SHROOM3: variants seen among roughly 807,000 people sequenced by gnomAD.
The protein encoded by SHROOM3 is protein Shroom3.
A neutral mutation model predicts 138.6 loss-of-function variants in SHROOM3; 47 were observed. That is an observed-to-expected ratio of 0.34 (90% confidence interval 0.27 to 0.43). SHROOM3 has a LOEUF of 0.43. Ranked by LOEUF, SHROOM3 falls within the 20% of genes least tolerant of loss-of-function variation. The pLI, the probability that SHROOM3 is intolerant of heterozygous loss-of-function variation, is 1.00. For missense variants in SHROOM3, 2,491 were observed against 2,596.5 expected, an observed-to-expected ratio of 0.96 and a Z score of 0.88; for synonymous variants, 1,062 against 1,063.3, an observed-to-expected ratio of 1.00 and a Z score of 0.02.
At chr4:76,612,228 G>A (rs1055292014) in intron 2 of SHROOM3, among the ~76,000 whole-genome samples, 2 of 152,190 alleles carry the variant, frequency 1.3e-5, no homozygotes, top group Non-Finnish European at 2.9e-5. Flanking sequence ...GCAGCTGCAT[G>A]TATCCTGCTT....
intron 2 of SHROOM3, among the ~76,000 whole-genome samples, chr4:76,686,642 G>GT (rs1164559817): frequency 6.6e-6 from 1 of 151,888 alleles, no homozygotes; most frequent in African/African-American, 2.4e-5. Context: ...ATCAACTGTA[G>GT]TAAAAAAACA....
chr4:76,592,829 C>T (rs1370899894), intron 2 of SHROOM3, among the ~76,000 whole-genome samples: 3 of 152,138 alleles, frequency 2.0e-5, no homozygotes, highest in South Asian at 2.1e-4. Context: ...CAGCAGGATT[C>T]GAGGTAGGGA....
chr4:76,596,625 C>T (rs1316722852), intron 2 of SHROOM3, among the ~76,000 whole-genome samples: 2 of 149,828 alleles, frequency 1.3e-5, no homozygotes, highest in Non-Finnish European at 3.0e-5. Flanking sequence ...CACACACACA[C>T]TCTCCAACAG....
At chr4:76,650,904 G>A (rs1309606466) in intron 2 of SHROOM3, among the ~76,000 whole-genome samples, 2 of 152,110 alleles carry the variant, frequency 1.3e-5, no homozygotes, top group Non-Finnish European at 2.9e-5. Context: ...CAGATGAATG[G>A]ATAAAGAAAA....
rs111955309 is a variant in SHROOM3 at position 76,518,061 on chromosome 4, T to C, written c.169-37548T>C. 9.9e-3 allele frequency among the ~76,000 whole-genome samples: 1,513 copies of C among 152,334 alleles called. 22 individuals carry two copies. The highest frequency in any genetic ancestry group is 0.034 in the African/African-American group (1,434 of 41,580). On this transcript the variant is annotated intron_variant, in intron 1 of 10. Coordinates refer to ENST00000296043, the MANE Select transcript of SHROOM3 (RefSeq NM_020859.4). ...TAAAATGAGAGATTTATTTAAGTTA[T>C]AAGGAAATATCTGTCAACCCTCAGA...
intron 1 of SHROOM3, among the ~76,000 whole-genome samples, chr4:76,551,188 G>A (rs1733345385): frequency 6.6e-6 from 1 of 151,884 alleles, no homozygotes; most frequent in African/African-American, 2.4e-5. Flanking sequence ...AAAGTGCAGT[G>A]CAAAACGAAG....
chr4:76,518,567 TTGCCTGCTTGCCTGCC>T (rs1732495844), intron 1 of SHROOM3, among the ~76,000 whole-genome samples: 1 of 141,080 alleles, frequency 7.1e-6, no homozygotes, highest in Non-Finnish European at 1.5e-5. Flanking sequence ...TCCTTCCTTC[TTGCCTGCTTGCCTGCC>T]TGCCTGCCTG....
intron 1 of SHROOM3, among the ~76,000 whole-genome samples, chr4:76,465,869 T>A (rs1199467019): frequency 6.6e-6 from 1 of 152,194 alleles, no homozygotes; most frequent in African/African-American, 2.4e-5. Flanking sequence ...AAAAACTAAA[T>A]ATGCCATGCA....
At position 76,744,842 on chromosome 4, in the gene SHROOM3, C is replaced by A. The variant is rs145887212; in HGVS notation, c.3753+2916C>A. ...AGGGCAGGATTTTACAAGTTTTTGA[C>A]AAGGATTTAGCTCTTTTTCAAAATT... is the stretch of plus-strand genomic sequence containing the variant. On this transcript the variant is annotated intron_variant, in intron 5 of 10. Transcript: ENST00000296043. Among the ~76,000 whole-genome samples the A allele has an allele frequency of 9.1e-4, 139 of 152,298 alleles. 2 individuals are homozygous for A. The highest frequency in any genetic ancestry group is 3.2e-3 in the African/African-American group (134 of 41,574).
intron 2 of SHROOM3, among the ~76,000 whole-genome samples, chr4:76,560,775 C>T (rs1250868529): frequency 6.6e-6 from 1 of 152,104 alleles, no homozygotes; most frequent in Non-Finnish European, 1.5e-5. Context: ...AGAGAGGATA[C>T]CTGAGATAGC....
chr4:76,555,844 A>T (rs932921864), intron 2 of SHROOM3, 81 bp downstream of exon 2: 1 of 1,511,776 alleles, frequency 6.6e-7, no homozygotes, highest in Non-Finnish European at 9.0e-7. Flanking sequence ...CTGGGAAAAG[A>T]GCTCGGGGTT....
chr4:76,741,070 T>C lies in SHROOM3; in HGVS notation c.2897T>C (p.Val966Ala). 1 of 1,526,024 alleles carries C rather than the reference T, an allele frequency of 6.6e-7. No individual in the cohort carries two copies. The highest frequency in any genetic ancestry group is 2.5e-5 in the East Asian group (1 of 40,626). The allele number at this position is 1,526,024 out of a possible 1,614,324, so 94.5% of individuals were successfully genotyped here. A position where few individuals can be genotyped will look rare whatever the true frequency, so the allele number is the denominator to read the frequency against. The change falls in exon 5 of 11, where the codon GTG (valine) becomes GCG (alanine). Residue 966 changes from valine (V) to alanine (A), a missense_variant. Val to Ala is a moderately conservative substitution (Grantham distance 64). Transcript: ENST00000296043. The surrounding 1 kb of genome is among the most constrained non-coding windows in gnomAD (Gnocchi z 6.2). ...CGGCCACGGCCTTCCTCGGCCCACG[T>C]GGGGCTGCGGAGCCCCGAGGCGTCG... Reference protein sequence around the residue: ...SWRPRPSSAHVGLRSPEASAS... With the variant: ...SWRPRPSSAHAGLRSPEASAS...
At chr4:76,598,903 A>G (rs1029396638) in intron 2 of SHROOM3, among the ~76,000 whole-genome samples, 4 of 152,180 alleles carry the variant, frequency 2.6e-5, no homozygotes, top group Non-Finnish European at 5.9e-5. Context: ...GGTTTTCAAG[A>G]TGTTAAGTCT....
chr4:76,452,943 C>G (rs1359410307), intron 1 of SHROOM3, among the ~76,000 whole-genome samples: 1 of 152,174 alleles, frequency 6.6e-6, no homozygotes, highest in Non-Finnish European at 1.5e-5. Context: ...GTCTCAAACT[C>G]TTGACCTCAG....
At chr4:76,560,181 G>A (rs1330803155) in intron 2 of SHROOM3, among the ~76,000 whole-genome samples, 2 of 152,166 alleles carry the variant, frequency 1.3e-5, no homozygotes, top group Non-Finnish European at 2.9e-5. Flanking sequence ...GTAGATACGT[G>A]TAAAATAGTT....
At chr4:76,707,578 G>A (rs1048157330) in intron 2 of SHROOM3, among the ~76,000 whole-genome samples, 6 of 152,200 alleles carry the variant, frequency 3.9e-5, no homozygotes, top group African/African-American at 1.4e-4. Context: ...TCTGTTTTGA[G>A]GCTAAGTAGC....
chr4:76,735,869 ATATATATATATATATATATATAT>A (rs1226276503), intron 4 of SHROOM3, among the ~76,000 whole-genome samples: 2 of 13,994 alleles, frequency 1.4e-4, no homozygotes, highest in African/African-American at 5.4e-4. Context: ...AAAAAAAAAA[ATATATATATATATATATATATAT>A]ATATATATAT....
At position 76,739,628 on chromosome 4, in the gene SHROOM3, G is replaced by C; in HGVS notation, c.1455G>C (p.Val485=). ...TTGCCCAGGTGCCTCAGCCTTCTGTGAGTAGCAACGGTATGCTCTACCCTG... is the reference window on the plus strand; with the variant it reads ...TTGCCCAGGTGCCTCAGCCTTCTGTCAGTAGCAACGGTATGCTCTACCCTG... ...PHFAQVPQPS[V]SSNGMLYPAL... Residue 485 remains valine, a synonymous_variant, in exon 5 of 11, where the codon GTG becomes GTC. Transcript: ENST00000296043. The C allele has an allele frequency of 1.2e-6, 2 of 1,614,182 alleles. No homozygotes were observed. The highest frequency in any genetic ancestry group is 1.6e-4 in the Middle Eastern group (1 of 6,062).
intron 1 of SHROOM3, among the ~76,000 whole-genome samples, chr4:76,461,198 T>TCTCTA (rs1346316833): frequency 2.6e-5 from 4 of 152,040 alleles, no homozygotes; most frequent in African/African-American, 9.7e-5. Context: ...AACATAATGC[T>TCTCTA]CTCTACTCCA....
Sources: gnomAD v4.1 joint callset for allele counts (sites outside exome capture counted in the v4.1 genomes callset) on GRCh38, gnomAD v4.1.1 for gene constraint, Gnocchi (gnomAD v3.1) non-coding constraint, MANE v1.5 for transcripts, NCBI Gene and HGNC (gene_info 2026-07-23, HGNC 2026-07-21) for gene names.